The following ACSL4 variants were observed in gnomAD, a reference collection of about 807,000 sequenced individuals.
ACSL4 encodes long-chain-fatty-acid--CoA ligase 4.
A neutral mutation model predicts 49.1 loss-of-function variants in ACSL4; 9 were observed. That is an observed-to-expected ratio of 0.18 (90% CI 0.11 to 0.32). The LOEUF (loss-of-function observed/expected upper bound fraction) is 0.32. Among genes scored for constraint, ACSL4 ranks in the 10% least tolerant of loss-of-function variants. The pLI is 1.00. For missense variants in ACSL4, 333 were observed against 493.7 expected (o/e 0.67, Z 3.08); for synonymous variants, 191 against 170.3 (o/e 1.12, Z -0.95).
intron 1 of ACSL4, among the ~76,000 whole-genome samples, chrX:109,725,942 G>A (rs1453732153): frequency 3.6e-5 from 4 of 110,137 alleles, no homozygotes; most frequent in Non-Finnish European, 7.6e-5. Context: ...TTATTCATAT[G>A]TGCTGAATTG....
intron 13 of ACSL4, 129 bp downstream of exon 13, chrX:109,663,082 A>G (rs1922308894): frequency 5.1e-6 from 3 of 584,980 alleles, no homozygotes; most frequent in Non-Finnish European, 8.0e-6. Context: ...CTCATACATA[A>G]GTTAAATAAC....
At position 109,663,230 on chromosome X, in the gene ACSL4, A is replaced by G. The variant is rs762779986; in HGVS notation, c.1563T>C (p.Asp521=). 1.7e-6 allele frequency: 2 copies of G among 1,207,697 alleles called. No homozygotes were observed. The highest frequency in any genetic ancestry group is 1.1e-6 in the Non-Finnish European group (1 of 893,107). Residue 521 remains aspartate, a synonymous_variant, in exon 13 of 16, where the codon GAT becomes GAC. Transcript: ENST00000672401. ...CTGDIGEFHP[D]GCLQIIDRKK... is the part of the protein sequence containing the mutation. The stretch of plus-strand genomic sequence containing the variant: ...TCTGACCTATAATCTGTAAACATCC[A>G]TCGGGATGGAATTCTCCAATATCAC...
intron 6 of ACSL4, among the ~76,000 whole-genome samples, chrX:109,679,002 AG>A (rs1923957314): frequency 8.9e-6 from 1 of 111,923 alleles, no homozygotes; most frequent in African/African-American, 3.2e-5. Context: ...TAAACTTCTT[AG>A]GCCTCAGTTT....
chrX:109,683,405 T>A, intron 2 of ACSL4, 30 bp from the exon 3 acceptor site: 1 of 1,211,282 alleles, frequency 8.3e-7, no homozygotes, highest in Middle Eastern at 2.3e-4. Context: ...TACCATGGAA[T>A]AAATATAAGG....
chrX:109,683,006 G>A, intron 3 of ACSL4, 110 bp from the exon 4 acceptor site: 1 of 1,020,177 alleles, frequency 9.8e-7, no homozygotes, highest in Non-Finnish European at 1.3e-6. Context: ...CAGAAGCTAT[G>A]AGCGGCTTCT....
In ACSL4 at chrX:109,641,614, A is replaced by G. The variant is rs1373089279; in HGVS notation, c.*2415T>C. On this transcript the variant is annotated 3_prime_UTR_variant, in exon 16 of 16. Coordinates refer to ENST00000672401, the MANE Select transcript of ACSL4 (RefSeq NM_001318510.2). ...TATCAGGAAAATATAGGCAAGACTT[A>G]CTAATCAGTTATTCATGATCAAAGA... 1 of 112,720 alleles carries G rather than the reference A, an allele frequency of 8.9e-6. No individual in the cohort carries two copies. The highest frequency in any genetic ancestry group is 3.2e-5 in the African/African-American group (1 of 31,092). 9.3% of individuals were successfully genotyped at this position (112,720 alleles called of 1,213,427 possible).
intron 1 of ACSL4, among the ~76,000 whole-genome samples, chrX:109,723,264 C>A (rs192997071): frequency 2.9e-4 from 32 of 111,060 alleles, no homozygotes; most frequent in African/African-American, 9.5e-4. Context: ...AATCTGCATA[C>A]CTACTATCAA....
chrX:109,687,005 C>T (rs1289229654), intron 2 of ACSL4, among the ~76,000 whole-genome samples: 2 of 111,941 alleles, frequency 1.8e-5, no homozygotes, highest in African/African-American at 6.5e-5. Context: ...ATGACAGCCC[C>T]TGAAGGGACT....
chrX:109,669,007 AC>A (rs1569423203), intron 10 of ACSL4, 26 bp downstream of exon 10: 1 of 1,179,424 alleles, frequency 8.5e-7, no homozygotes, highest in Non-Finnish European at 1.1e-6. Context: ...AAAGGCTCAA[AC>A]CACAGAGCCT....
intron 1 of ACSL4, among the ~76,000 whole-genome samples, chrX:109,729,330 A>C (rs1928251232): frequency 8.9e-6 from 1 of 112,672 alleles, no homozygotes; most frequent in South Asian, 3.6e-4. Context: ...GCAAATAAAC[A>C]CATGGAAAAA....
rs186853615 is a variant in ACSL4, at chrX:109,668,530, A to G, written c.1143-257T>C. On this transcript the variant is annotated intron_variant, in intron 10 of 15. Transcript: ENST00000672401. ...CACAAGTAAATGAAAGAAAACAGAC[A>G]TCAGAGGTAAAAAAATTTTAATTAT... Among the ~76,000 whole-genome samples the G allele has an allele frequency of 5.7e-3, 638 of 111,576 alleles. 6 individuals carry two copies. Among genetic ancestry groups the G allele is most frequent in the African/African-American group, 0.018 (552 of 30,668 alleles).
intron 15 of ACSL4, among the ~76,000 whole-genome samples, chrX:109,648,094 T>TA (rs1428322473): frequency 9.0e-6 from 1 of 111,566 alleles, no homozygotes; most frequent in East Asian, 2.8e-4. Flanking sequence ...CTATCAGAGG[T>TA]ACAAGGAGGA....
At chrX:109,701,922 A>G (rs1925990204) in intron 1 of ACSL4, among the ~76,000 whole-genome samples, 1 of 100,933 alleles carries the variant, frequency 9.9e-6, no homozygotes, top group Admixed American at 1.1e-4. Flanking sequence ...AAAAAAAAAA[A>G]AACTGGGCCA....
intron 4 of ACSL4, 27 bp downstream of exon 4, chrX:109,682,692 C>T: frequency 8.3e-7 from 1 of 1,208,208 alleles, no homozygotes; most frequent in Non-Finnish European, 1.1e-6. Context: ...CCCTCCTCTC[C>T]CCCCTCCAAA....
chrX:109,689,535 T>C (rs925803353), intron 2 of ACSL4, among the ~76,000 whole-genome samples: 1 of 112,378 alleles, frequency 8.9e-6, no homozygotes, highest in Non-Finnish European at 1.9e-5. Context: ...CCTAGTACGC[T>C]TTCCCTGGAA....
intron 15 of ACSL4, among the ~76,000 whole-genome samples, chrX:109,656,726 C>G (rs1242928125): frequency 9.2e-6 from 1 of 108,987 alleles, no homozygotes; most frequent in Non-Finnish European, 1.9e-5. Context: ...ACTTGTTATA[C>G]TGATAAAACT....
In ACSL4 at chrX:109,659,493, G is replaced by T. The variant is rs779173438; in HGVS notation, c.1716C>A (p.Ile572=). 1.7e-6 allele frequency: 2 copies of T among 1,198,111 alleles called. No individual in the cohort carries two copies. Among genetic ancestry groups the T allele is most frequent in the East Asian group, 3.0e-5 (1 of 33,726 alleles). ...TTTTCTGGTTAGGAACCACAAAACTGATCACATAGGACTGATCACTAAAAA... is the reference window on the plus strand; with the variant it reads ...TTTTCTGGTTAGGAACCACAAAACTTATCACATAGGACTGATCACTAAAAA... ...AFAKSDQSYV[I]SFVVPNQKRL... The change falls in exon 15 of 16, where the codon ATC becomes ATA. Residue 572 remains isoleucine (I), a synonymous_variant. Transcript: ENST00000672401.
At chrX:109,645,312 C>G (rs977837725) in intron 15 of ACSL4, among the ~76,000 whole-genome samples, 1 of 112,362 alleles carries the variant, frequency 8.9e-6, no homozygotes, top group Non-Finnish European at 1.9e-5. Flanking sequence ...TCCCAGCACG[C>G]AGCTGGAGAT....
intron 1 of ACSL4, among the ~76,000 whole-genome samples, chrX:109,717,197 T>A (rs892861654): frequency 1.4e-4 from 15 of 111,102 alleles, no homozygotes; most frequent in African/African-American, 4.6e-4. Flanking sequence ...CTTACAAGCC[T>A]GATTTTTTTT....
Sources: gnomAD v4.1 joint callset for allele counts (sites outside exome capture counted in the v4.1 genomes callset) on GRCh38, gnomAD v4.1.1 for gene constraint, MANE v1.5 for transcripts, NCBI Gene and HGNC (gene_info 2026-07-23, HGNC 2026-07-21) for gene names.